GSDMC: variants seen among roughly 807,000 people sequenced by gnomAD.
The protein encoded by GSDMC is gasdermin C.
A neutral mutation model predicts 58.0 loss-of-function variants in GSDMC; 59 were observed. The observed-to-expected ratio is 1.02, with a 90% CI of 0.82 to 1.26. The LOEUF is 1.26. Ranked by LOEUF, GSDMC falls within the 50% of genes most tolerant of loss-of-function variation. The pLI is 0.00. For missense variants in GSDMC, 659 were observed against 598.5 expected (o/e 1.10, Z -1.06); for synonymous variants, 241 against 220.2 (o/e 1.09, Z -0.83).
chr8:129,706,911 T>C, the GSDMC span: 1 of 152,248 alleles, frequency 6.6e-6, no homozygotes, highest in Non-Finnish European at 1.5e-5. Flanking sequence ...TGTTCATTTA[T>C]TAAACGTTTA....
the GSDMC span, among the ~76,000 whole-genome samples, chr8:129,731,900 C>T: frequency 6.6e-6 from 1 of 152,330 alleles, no homozygotes; most frequent in Admixed American, 6.5e-5. Flanking sequence ...GTCACAGCAT[C>T]CTCTTAGAAG....
At chr8:129,752,408 CAGAGGAAGGGG>C (rs1322989939) in intron 7 of GSDMC, among the ~76,000 whole-genome samples, 1 of 152,056 alleles carries the variant, frequency 6.6e-6, no homozygotes, top group Non-Finnish European at 1.5e-5. Context: ...GTGGCTGGGT[CAGAGGAAGGGG>C]ACAGTTGCAG....
chr8:129,765,946 G>A (rs1161742671), intron 3 of GSDMC, among the ~76,000 whole-genome samples, 153 bp from the exon 4 acceptor site: 1 of 152,196 alleles, frequency 6.6e-6, no homozygotes, highest in East Asian at 1.9e-4. Context: ...GCAGCAGAAT[G>A]TTTTATCTGA....
the GSDMC span, among the ~76,000 whole-genome samples, chr8:129,731,926 G>T: frequency 1.3e-5 from 2 of 152,182 alleles, no homozygotes; most frequent in Admixed American, 1.3e-4. Context: ...GGAGAAGCAA[G>T]AGAAGCCCCT....
At chr8:129,773,093 T>C (rs1420220636) in intron 3 of GSDMC, among the ~76,000 whole-genome samples, 1 of 152,148 alleles carries the variant, frequency 6.6e-6, no homozygotes, top group Non-Finnish European at 1.5e-5. Flanking sequence ...TCTCAGCAAA[T>C]TAGATATAGA....
chr8:129,719,335 A>C, the GSDMC span, among the ~76,000 whole-genome samples: 389 of 152,332 alleles, frequency 2.6e-3, 2 homozygotes, highest in African/African-American at 9.0e-3. Flanking sequence ...ACAATTCTGA[A>C]TGTTTATGTA....
At chr8:129,736,188 A>C in the GSDMC span, among the ~76,000 whole-genome samples, 1 of 152,338 alleles carries the variant, frequency 6.6e-6, no homozygotes, top group Middle Eastern at 3.4e-3. Context: ...GACCAGATGG[A>C]TTCACAGCCG....
chr8:129,751,492 C>T (rs538439908), intron 10 of GSDMC, 50 bp downstream of exon 10: 19 of 1,531,602 alleles, frequency 1.2e-5, no homozygotes, highest in African/African-American at 9.7e-5. Context: ...GGTGCTCAGA[C>T]TTGCAGCTCC....
chr8:129,751,510 A>G, intron 10 of GSDMC, 32 bp downstream of exon 10: 1 of 1,592,790 alleles, frequency 6.3e-7, no homozygotes, highest in Non-Finnish European at 8.6e-7. Flanking sequence ...TCCCACCCAG[A>G]AGCCCCAGGT....
chr8:129,737,167 C>T, the GSDMC span, among the ~76,000 whole-genome samples: 160 of 152,276 alleles, frequency 1.1e-3, no homozygotes, highest in African/African-American at 3.6e-3. Context: ...AAGAACATTC[C>T]ATGCTCATGG....
chr8:129,726,279 T>C, the GSDMC span, among the ~76,000 whole-genome samples: 1 of 152,218 alleles, frequency 6.6e-6, no homozygotes, highest in South Asian at 2.1e-4. Flanking sequence ...TCTATTCTGA[T>C]ATTAATATAA....
At chr8:129,726,315 T>C in the GSDMC span, among the ~76,000 whole-genome samples, 77 of 152,260 alleles carry the variant, frequency 5.1e-4, no homozygotes, top group Middle Eastern at 6.8e-3. Context: ...AGGCCCTCAG[T>C]TGATGCCCCA....
rs527710823 is a variant in GSDMC at position 129,780,542 on chromosome 8, CA to C, written c.-4-2952del. ...TTTTACCCTAGAATAATATATCTGG[CA>C]AAAAAAATATGCTTCAAGGATGAAG... On this transcript the variant is annotated intron_variant, in intron 1 of 13. Transcript: ENST00000276708. 4.3e-3 allele frequency among the ~76,000 whole-genome samples: 651 copies of C among 151,530 alleles called. 9 individuals are homozygous for C. The highest frequency in any genetic ancestry group is 0.015 in the African/African-American group (619 of 41,374).
At chr8:129,779,768 C>G (rs1047783438) in intron 1 of GSDMC, among the ~76,000 whole-genome samples, 6 of 151,742 alleles carry the variant, frequency 4.0e-5, no homozygotes, top group African/African-American at 1.5e-4. Context: ...ATCACCTTAC[C>G]AAATGGACTA....
At chr8:129,751,804 T>A in intron 9 of GSDMC, 58 bp downstream of exon 9, 1 of 1,541,732 alleles carries the variant, frequency 6.5e-7, no homozygotes, top group Non-Finnish European at 9.0e-7. Context: ...TCTGCCCTAC[T>A]TACCCCATGT....
chr8:129,720,674 T>C, the GSDMC span, among the ~76,000 whole-genome samples: 1 of 152,228 alleles, frequency 6.6e-6, no homozygotes, highest in Non-Finnish European at 1.5e-5. Flanking sequence ...TAATGTCAGC[T>C]TATACTTACA....
At chr8:129,730,407 T>G in the GSDMC span, 6 of 1,174,028 alleles carry the variant, frequency 5.1e-6, no homozygotes, top group Non-Finnish European at 7.1e-6. Context: ...ATATGCTGAT[T>G]ATGAATCTTT....
chr8:129,726,943 T>C, the GSDMC span, among the ~76,000 whole-genome samples: 1 of 151,700 alleles, frequency 6.6e-6, no homozygotes, highest in East Asian at 1.9e-4. Context: ...ATGACTACAG[T>C]GGGATACCCC....
chr8:129,723,856 T>A, the GSDMC span, among the ~76,000 whole-genome samples: 24 of 152,364 alleles, frequency 1.6e-4, no homozygotes, highest in South Asian at 4.3e-3. Context: ...AATTTTTAAC[T>A]AAGCTGAAAG....
Sources: gnomAD v4.1 joint callset for allele counts (sites outside exome capture counted in the v4.1 genomes callset) on GRCh38, gnomAD v4.1.1 for gene constraint, MANE v1.5 for transcripts, NCBI Gene and HGNC (gene_info 2026-07-23, HGNC 2026-07-21) for gene names.